The following LRP1B variants were observed in gnomAD, a reference collection of about 807,000 sequenced individuals.
LRP1B encodes LDL receptor related protein 1B.
Under a neutral mutation model 556.6 loss-of-function variants are expected in LRP1B, and 217 were observed. The ratio of observed to expected loss-of-function variants is 0.39; its 90% confidence interval spans 0.35 to 0.44. The LOEUF (loss-of-function observed/expected upper bound fraction) is 0.44, where lower values mean the gene tolerates loss of function less well. LRP1B is among the 20% of genes least tolerant of loss of function. The pLI, the probability that LRP1B is intolerant of heterozygous loss-of-function variation, is 1.00. For missense variants in LRP1B, 5,053 were observed against 5,620.8 expected (o/e 0.90, Z 3.23); for synonymous variants, 2,047 against 1,865.8 (o/e 1.10, Z -2.50).
chr2:141,907,770 A>T (rs1371566851), intron 1 of LRP1B, among the ~76,000 whole-genome samples: 1 of 151,974 alleles, frequency 6.6e-6, no homozygotes, highest in Non-Finnish European at 1.5e-5. Context: ...CCATTATTGT[A>T]GTGCAAAAAT....
chr2:140,965,392 A>G (rs1378193536), intron 18 of LRP1B, among the ~76,000 whole-genome samples: 1 of 151,998 alleles, frequency 6.6e-6, no homozygotes. Flanking sequence ...TGATACCTCC[A>G]CATGGAGGAT....
intron 2 of LRP1B, among the ~76,000 whole-genome samples, chr2:141,608,029 A>C (rs900489033): frequency 6.6e-6 from 1 of 152,130 alleles, no homozygotes; most frequent in African/African-American, 2.4e-5. Context: ...GTTTGAGACC[A>C]GACTGACCAA....
chr2:141,559,978 A>C (rs1231547136), intron 2 of LRP1B, among the ~76,000 whole-genome samples: 1 of 151,742 alleles, frequency 6.6e-6, no homozygotes, highest in East Asian at 1.9e-4. Context: ...TGGATTTTCC[A>C]TGATCCAAAA....
chr2:141,601,599 T>TTTCCTTCCTTTCC (rs771502766), intron 2 of LRP1B, among the ~76,000 whole-genome samples: 3 of 140,640 alleles, frequency 2.1e-5, no homozygotes. Flanking sequence ...GTAGCACTCC[T>TTTCCTTCCTTTCC]TTCCTTCCTT....
At chr2:141,947,581 GA>G (rs1041680609) in intron 1 of LRP1B, among the ~76,000 whole-genome samples, 1 of 152,106 alleles carries the variant, frequency 6.6e-6, no homozygotes, top group African/African-American at 2.4e-5. Flanking sequence ...TTAGGAGGGA[GA>G]AAGTGAGATC....
chr2:140,259,023 C>T (rs1327507697), intron 86 of LRP1B, among the ~76,000 whole-genome samples: 1 of 152,002 alleles, frequency 6.6e-6, no homozygotes, highest in East Asian at 1.9e-4. Flanking sequence ...ATCAGTGTTC[C>T]CCTACTGCTA....
At chr2:140,814,785 C>T (rs1045972329) in intron 31 of LRP1B, among the ~76,000 whole-genome samples, 2 of 152,114 alleles carry the variant, frequency 1.3e-5, no homozygotes, top group African/African-American at 4.8e-5. Context: ...AAGCCAATGA[C>T]TTAAGACCCT....
chr2:140,285,042 A>ATG (rs1477399628), intron 84 of LRP1B, among the ~76,000 whole-genome samples: 1 of 149,626 alleles, frequency 6.7e-6, no homozygotes, highest in Non-Finnish European at 1.5e-5. Flanking sequence ...ATATATATAT[A>ATG]TGGATATCTA....
Position 140,378,200 on chromosome 2 carries a change from A to T in LRP1B, c.10618T>A (p.Cys3540Ser). 1 of 1,613,424 alleles carries T rather than the reference A, an allele frequency of 6.2e-7. No individual in the cohort carries two copies. Among genetic ancestry groups the T allele is most frequent in the Non-Finnish European group, 8.5e-7 (1 of 1,179,442 alleles). Reference sequence around the variant, plus strand: ...CCTACCTCATCAGAGCCATCTGCACAGTCAAAATCTCCATCACACCAAAAC... The same window carrying T: ...CCTACCTCATCAGAGCCATCTGCACTGTCAAAATCTCCATCACACCAAAAC... ...SRFWCDGDFD[C>S]ADGSDERNCE... The change falls in exon 68 of 91, where the codon TGT becomes AGT. Residue 3540 changes from cysteine to serine, a missense_variant. By Grantham distance (112) the Cys-to-Ser change is moderately radical. This residue lies in a region of LRP1B where 599 missense variants were observed against 648.4 expected (regional missense o/e 0.92). Transcript: ENST00000389484.
At chr2:140,269,246 A>T (rs1449172627) in intron 86 of LRP1B, 4 of 470,288 alleles carry the variant, frequency 8.5e-6, no homozygotes, top group South Asian at 1.6e-5. Flanking sequence ...AAGCGCAGCG[A>T]TAAGTGGAAG....
At chr2:141,750,915 G>C (rs1694086944) in intron 2 of LRP1B, among the ~76,000 whole-genome samples, 1 of 151,922 alleles carries the variant, frequency 6.6e-6, no homozygotes, top group Non-Finnish European at 1.5e-5. Context: ...CAAACTTTTT[G>C]AATGAATTTC....
rs758107282 is a variant in LRP1B at position 140,253,371 on chromosome 2, G to T, written c.13248-6209C>A. On this transcript the variant is annotated intron_variant, in intron 86 of 90. Coordinates refer to ENST00000389484, the MANE Select transcript of LRP1B (RefSeq NM_018557.3). ...TTTAGGAAACGGTAAAAATTAATGA[G>T]AAGTTTCTATTGAAGAGGTGGCCAT... 3.3e-5 allele frequency among the ~76,000 whole-genome samples: 5 copies of T among 151,990 alleles called. No individual in the cohort carries two copies. The East Asian group carries it at 9.7e-4, about 29-fold the overall frequency.
chr2:140,740,684 C>T (rs945194315), intron 35 of LRP1B, among the ~76,000 whole-genome samples: 3 of 152,158 alleles, frequency 2.0e-5, no homozygotes, highest in Non-Finnish European at 1.5e-5. Context: ...TTATTCTCTA[C>T]GTTCTGGAAG....
In LRP1B at chr2:140,378,170, AG is replaced by A; in HGVS notation, c.10638+9del. The A allele has an allele frequency of 6.3e-7, 1 of 1,578,782 alleles. No homozygotes were observed. The highest frequency in any genetic ancestry group is 8.7e-7 in the Non-Finnish European group (1 of 1,155,096). ...CGCTGCTTTCTTTTTGATTTTACAA[AG>A]ATGCCTACCTCATCAGAGCCATCTG... On this transcript the variant is annotated intron_variant, in intron 68 of 90. Transcript: ENST00000389484.
intron 60 of LRP1B, among the ~76,000 whole-genome samples, chr2:140,461,124 ATG>A (rs1039800578): frequency 2.6e-5 from 4 of 151,908 alleles, no homozygotes; most frequent in Admixed American, 2.6e-4. Context: ...TATCCAGAAC[ATG>A]GTTTTGGCTT....
At chr2:141,675,082 C>G (rs530282732) in intron 2 of LRP1B, among the ~76,000 whole-genome samples, 4 of 151,534 alleles carry the variant, frequency 2.6e-5, no homozygotes, top group African/African-American at 9.7e-5. Flanking sequence ...TTATATTTTG[C>G]CCTATTATTT....
intron 19 of LRP1B, among the ~76,000 whole-genome samples, chr2:140,950,776 G>A (rs1054631664): frequency 2.6e-5 from 4 of 151,722 alleles, no homozygotes; most frequent in African/African-American, 9.7e-5. Context: ...ATAGACGTGA[G>A]CCACTGTGCC....
chr2:141,800,187 T>C (rs963640690), intron 2 of LRP1B, among the ~76,000 whole-genome samples: 1 of 152,050 alleles, frequency 6.6e-6, no homozygotes, highest in Non-Finnish European at 1.5e-5. Context: ...ATACATGAGG[T>C]TGTATGGCAT....
intron 83 of LRP1B, among the ~76,000 whole-genome samples, chr2:140,311,879 TGCC>T (rs1164273154): frequency 3.2e-4 from 49 of 152,022 alleles, no homozygotes; most frequent in African/African-American, 1.1e-3. Flanking sequence ...GTGGATTTTA[TGCC>T]CCACGTACAT....
Sources: allele counts gnomAD v4.1 joint callset (sites outside exome capture counted in the v4.1 genomes callset), GRCh38; gene constraint gnomAD v4.1.1; regional missense constraint gnomAD v4.1.1; transcripts MANE v1.5; gene names NCBI Gene and HGNC (gene_info 2026-07-23, HGNC 2026-07-21).